Variants in PTPRT observed in about 807,000 individuals in gnomAD.
PTPRT encodes the protein protein tyrosine phosphatase receptor type T, also known as receptor-type tyrosine-protein phosphatase T.
In PTPRT, 56 loss-of-function variants were observed where a neutral mutation model predicts 176.8. The ratio of observed to expected loss-of-function variants is 0.32; its 90% CI spans 0.26 to 0.40. PTPRT has a LOEUF of 0.40. Among genes scored for constraint, PTPRT ranks in the 10% least tolerant of loss-of-function variants. The probability of loss-of-function intolerance (pLI) is 1.00; values close to 1 mark genes in which losing one functional copy is unlikely to be tolerated. For synonymous variants in PTPRT, 783 were observed against 739.0 expected, an observed-to-expected ratio of 1.06 and a Z score of -0.96; for missense variants, 1,540 against 1,908.2, an observed-to-expected ratio of 0.81 and a Z score of 3.60.
intron 1 of PTPRT, among the ~76,000 whole-genome samples, chr20:42,959,148 G>A (rs1247048326): frequency 6.6e-6 from 1 of 152,158 alleles, no homozygotes; most frequent in Non-Finnish European, 1.5e-5. Context: ...TTAGTGGGGT[G>A]TCTTTGGACA....
At chr20:42,557,693 A>C (rs2072883959) in intron 7 of PTPRT, among the ~76,000 whole-genome samples, 1 of 152,158 alleles carries the variant, frequency 6.6e-6, no homozygotes, top group Admixed American at 6.5e-5. Flanking sequence ...AAATTGTAAA[A>C]ACAAAAACAA....
intron 6 of PTPRT, among the ~76,000 whole-genome samples, chr20:42,690,550 G>A (rs938006219): frequency 3.9e-5 from 6 of 152,154 alleles, no homozygotes; most frequent in African/African-American, 1.4e-4. Context: ...AACATGCTGG[G>A]TGAGTCTCCC....
At chr20:42,546,844 G>A (rs1410023041) in intron 7 of PTPRT, among the ~76,000 whole-genome samples, 1 of 152,126 alleles carries the variant, frequency 6.6e-6, no homozygotes, top group African/African-American at 2.4e-5. Context: ...TACCCACTAT[G>A]TTTGCTCATT....
intron 18 of PTPRT, among the ~76,000 whole-genome samples, chr20:42,139,214 A>T (rs1988512930): frequency 6.6e-6 from 1 of 152,124 alleles, no homozygotes; most frequent in Admixed American, 6.5e-5. Flanking sequence ...TCAGCACTGA[A>T]TGCAGACCTG....
chr20:42,812,662 T>C (rs1295622989), intron 2 of PTPRT, among the ~76,000 whole-genome samples: 3 of 152,142 alleles, frequency 2.0e-5, no homozygotes, highest in Non-Finnish European at 4.4e-5. Context: ...ATAGCATCAT[T>C]CTACTCTTTT....
intron 2 of PTPRT, among the ~76,000 whole-genome samples, chr20:42,839,518 G>A (rs2078241147): frequency 6.6e-6 from 1 of 152,120 alleles, no homozygotes; most frequent in Non-Finnish European, 1.5e-5. Context: ...TTTATTTAAG[G>A]GCAGTTGGAG....
intron 1 of PTPRT, among the ~76,000 whole-genome samples, chr20:43,144,032 G>A (rs958887450): frequency 1.3e-5 from 2 of 152,282 alleles, no homozygotes; most frequent in East Asian, 1.9e-4. Flanking sequence ...CAGCTACATA[G>A]AGCAAGGGTC....
chr20:42,562,277 T>A lies in PTPRT; in HGVS notation c.1154-89715A>T, dbSNP rs114893699. On this transcript the variant is annotated intron_variant, in intron 7 of 30. Coordinates refer to ENST00000373187, the MANE Select transcript of PTPRT (RefSeq NM_007050.6). ...TAACCTAGGTAATGCCACACCCCCA[T>A]AGGGAACCACTGTTTTGGAGTTCAT... Among the ~76,000 whole-genome samples, 387 of 152,298 alleles carry A rather than the reference T, an allele frequency of 2.5e-3. 5 individuals carry two copies. Among genetic ancestry groups the A allele is most frequent in the African/African-American group, 9.0e-3 (375 of 41,560 alleles).
intron 7 of PTPRT, among the ~76,000 whole-genome samples, chr20:42,643,024 T>C (rs963874470): frequency 1.3e-5 from 2 of 152,298 alleles, no homozygotes; most frequent in Non-Finnish European, 1.5e-5. Context: ...GGCTAGCTTA[T>C]TGAATGTCAG....
chr20:43,179,789 T>A (rs937579474), intron 1 of PTPRT, among the ~76,000 whole-genome samples: 2 of 152,254 alleles, frequency 1.3e-5, no homozygotes, highest in East Asian at 1.9e-4. Flanking sequence ...GTTATATTTG[T>A]ATTTTTCTCC....
At chr20:42,932,008 C>T (rs753384438) in intron 1 of PTPRT, among the ~76,000 whole-genome samples, 4 of 152,242 alleles carry the variant, frequency 2.6e-5, no homozygotes, top group African/African-American at 9.6e-5. Flanking sequence ...GAGGCCACAG[C>T]AGCCTCCTTG....
the PTPRT span, among the ~76,000 whole-genome samples, chr20:42,036,381 T>A: frequency 6.6e-6 from 1 of 152,170 alleles, no homozygotes; most frequent in Admixed American, 6.5e-5. Context: ...CGTATACTCT[T>A]ACATAGTTTT....
chr20:42,879,706 GC>G (rs2078985394), intron 2 of PTPRT, among the ~76,000 whole-genome samples: 2 of 151,928 alleles, frequency 1.3e-5, no homozygotes, highest in Non-Finnish European at 2.9e-5. Flanking sequence ...AGACGGTGCT[GC>G]TTCCATGACA....
At chr20:42,852,840 A>G (rs548049411) in intron 2 of PTPRT, among the ~76,000 whole-genome samples, 1 of 152,292 alleles carries the variant, frequency 6.6e-6, no homozygotes, top group South Asian at 2.1e-4. Context: ...GCAGAAACCC[A>G]CTGGGAAACC....
intron 1 of PTPRT, among the ~76,000 whole-genome samples, chr20:43,168,125 G>A (rs1437695370): frequency 6.6e-6 from 1 of 152,174 alleles, no homozygotes; most frequent in African/African-American, 2.4e-5. Flanking sequence ...TCAAGTCTCT[G>A]CACACCTCTC....
chr20:42,998,499 A>G (rs1984353332), intron 1 of PTPRT, among the ~76,000 whole-genome samples: 5 of 152,170 alleles, frequency 3.3e-5, no homozygotes. Context: ...TGTCACCCAG[A>G]AGATCATTGA....
chr20:43,083,369 T>TATATATATATAC (rs1568774368), intron 1 of PTPRT, among the ~76,000 whole-genome samples: 6 of 110,230 alleles, frequency 5.4e-5, no homozygotes, highest in African/African-American at 1.2e-4. Context: ...TATATATATA[T>TATATATATATAC]ACATTTTTTG....
In PTPRT at chr20:42,220,479, A is replaced by C. The variant is rs572561990; in HGVS notation, c.2342+15750T>G. Among the ~76,000 whole-genome samples, 6 of 152,300 alleles carry C rather than the reference A, an allele frequency of 3.9e-5. No homozygotes were observed. In the South Asian group the frequency reaches 1.2e-3, roughly 32 times the overall value. On this transcript the variant is annotated intron_variant, in intron 15 of 30. Coordinates refer to ENST00000373187, the MANE Select transcript of PTPRT (RefSeq NM_007050.6). The stretch of plus-strand genomic sequence containing the variant: ...GTAATCCCAGCACTTTGGGAAGCTG[A>C]GGCAGGACTGTTTGAAGCCAGGAGT...
intron 11 of PTPRT, among the ~76,000 whole-genome samples, chr20:42,339,661 A>C (rs2058086021): frequency 6.6e-6 from 1 of 152,188 alleles, no homozygotes; most frequent in African/African-American, 2.4e-5. Flanking sequence ...AATTGTTCAA[A>C]ATGCAGATTC....
Sources: allele counts gnomAD v4.1 joint callset (sites outside exome capture counted in the v4.1 genomes callset), GRCh38; gene constraint gnomAD v4.1.1; transcripts MANE v1.5; gene names NCBI Gene and HGNC (gene_info 2026-07-23, HGNC 2026-07-21).